The following RPL36 variants were observed in gnomAD, a reference collection of about 807,000 sequenced individuals.
RPL36 encodes the protein ribosomal protein L36, also known as large ribosomal subunit protein eL36.
For synonymous variants in RPL36, 74 were observed against 56.0 expected (o/e 1.32, Z -1.44); for missense variants, 131 against 144.9 (o/e 0.90, Z 0.49).
In RPL36 at chr19:5,691,807, C is replaced by G; in HGVS notation, c.*186C>G. The stretch of plus-strand genomic sequence containing the variant: ...AAAAGCCGTGGCCCGCCCACCCTTC[C>G]CGGGGCAGCAGGTGAGGAAGCCGCC... On this transcript the variant is annotated 3_prime_UTR_variant, in exon 4 of 4. Transcript: ENST00000347512. The G allele has an allele frequency of 1.2e-6, 1 of 832,560 alleles. No homozygotes were observed. Among genetic ancestry groups the G allele is most frequent in the South Asian group, 1.7e-5 (1 of 60,078 alleles). 51.6% of individuals were successfully genotyped at this position (832,560 alleles called of 1,614,324 possible). A position where few individuals can be genotyped will look rare whatever the true frequency, so the allele number is the denominator to read the frequency against.
chr19:5,691,695 G>T lies in RPL36; in HGVS notation c.*74G>T, dbSNP rs2054823806. 3 of 1,445,066 alleles carry T rather than the reference G, an allele frequency of 2.1e-6. No individual in the cohort carries two copies. The highest frequency in any genetic ancestry group is 2.8e-6 in the Non-Finnish European group (3 of 1,053,384). 89.5% of individuals were successfully genotyped at this position (1,445,066 alleles called of 1,614,324 possible). A position where few individuals can be genotyped will look rare whatever the true frequency, so the allele number is the denominator to read the frequency against. The stretch of plus-strand genomic sequence containing the variant: ...CCTGGCTCTCCTGCTGTCCGTGGGT[G>T]GGTGTGGGTGTGTCGGGGGCCCGCA... On this transcript the variant is annotated 3_prime_UTR_variant, in exon 4 of 4. Transcript: ENST00000347512.
At chr19:5,691,477 G>A in intron 3 of RPL36, 24 bp downstream of exon 3, 1 of 1,609,030 alleles carries the variant, frequency 6.2e-7, no homozygotes, top group Non-Finnish European at 8.5e-7. Flanking sequence ...GCCGGCCGAG[G>A]GGCGGGGTGG....
At position 5,691,579 on chromosome 19, in the gene RPL36, C is replaced by T. The variant is rs2054821176; in HGVS notation, c.276C>T (p.Asn92=). Residue 92 remains asparagine (N), a synonymous_variant, in exon 4 of 4, where the codon AAC becomes AAT. Transcript: ENST00000347512. The part of the protein sequence containing the change: ...RAKRKREELS[N]VLAAMRKAAA... ...AGAGGAAGCGGGAGGAGCTGAGCAA[C>T]GTACTGGCCGCCATGAGGAAAGCTG... 1 of 1,611,232 alleles carries T rather than the reference C, an allele frequency of 6.2e-7. No homozygotes were observed. Among genetic ancestry groups the T allele is most frequent in the Non-Finnish European group, 8.5e-7 (1 of 1,179,796 alleles).
In RPL36 at chr19:5,690,901, C is replaced by T. The variant is rs1226066109; in HGVS notation, c.93+301C>T. ...TAGGAGTTCGCTCATGGAGCTGGCCCGAGGTTGCGGTGTGTGAGGTTGAGG... is the reference window on the plus strand; with the variant it reads ...TAGGAGTTCGCTCATGGAGCTGGCCTGAGGTTGCGGTGTGTGAGGTTGAGG... On this transcript the variant is annotated intron_variant, in intron 2 of 3. Coordinates refer to ENST00000347512, the MANE Select transcript of RPL36 (RefSeq NM_033643.3). 3 of 554,176 alleles carry T rather than the reference C, an allele frequency of 5.4e-6. No individual in the cohort carries two copies. The Admixed American group carries it at 9.3e-5, about 17-fold the overall frequency. The allele number at this position is 554,176 out of a possible 1,614,324, so 34.3% of individuals were successfully genotyped here.
At position 5,691,470 on chromosome 19, in the gene RPL36, G is replaced by T. The variant is rs538239959; in HGVS notation, c.228+17G>T. On this transcript the variant is annotated intron_variant, in intron 3 of 3. Coordinates refer to ENST00000347512, the MANE Select transcript of RPL36 (RefSeq NM_033643.3). ...AAGAAAAGGGTAGGTGGGCGCTGCC[G>T]GCCGAGGGGCGGGGTGGGATGGGAG... 11 of 1,609,020 alleles carry T rather than the reference G, an allele frequency of 6.8e-6. No homozygotes were observed. The highest frequency in any genetic ancestry group is 5.0e-5 in the Admixed American group (3 of 59,882).
rs752454538 is a variant in RPL36, at chr19:5,691,315, C to T, written c.94-4C>T. ...ACCCTGACGGCCGCCCCTTTCCCCC[C>T]TAGCGTCTGACCAAACACACCAAGT... On this transcript the variant is annotated splice_polypyrimidine_tract_variant and splice_region_variant and intron_variant, in intron 2 of 3. Coordinates refer to ENST00000347512, the MANE Select transcript of RPL36 (RefSeq NM_033643.3). 42 of 1,612,382 alleles carry T rather than the reference C, an allele frequency of 2.6e-5. No homozygotes were observed. The highest frequency in any genetic ancestry group is 5.0e-5 in the Admixed American group (3 of 60,010).
intron 2 of RPL36, chr19:5,691,079 C>T: frequency 6.6e-6 from 4 of 606,906 alleles, no homozygotes; most frequent in East Asian, 5.6e-5. Flanking sequence ...TATTGGGCGC[C>T]TTTATTCAGC....
At position 5,691,754 on chromosome 19, in the gene RPL36, C is replaced by G. The variant is rs1246293281; in HGVS notation, c.*133C>G. On this transcript the variant is annotated 3_prime_UTR_variant, in exon 4 of 4. Transcript: ENST00000347512. ...TCTGGTGCCCGCTCTGAGCCACACCCTCTCCGGGTGCTGCCTGGTCGTGAA... is the reference window on the plus strand; with the variant it reads ...TCTGGTGCCCGCTCTGAGCCACACCGTCTCCGGGTGCTGCCTGGTCGTGAA... The G allele has an allele frequency of 1.0e-5, 11 of 1,054,396 alleles. No individual in the cohort carries two copies. The African/African-American group carries it at 1.7e-4, about 17-fold the overall frequency. 65.3% of individuals were successfully genotyped at this position (1,054,396 alleles called of 1,614,324 possible). A position where few individuals can be genotyped will look rare whatever the true frequency, so the allele number is the denominator to read the frequency against.
rs2054799286 is a variant in RPL36 at position 5,690,318 on chromosome 19, A to G, written c.-12A>G. On this transcript the variant is annotated 5_prime_UTR_variant, in exon 1 of 4. Transcript: ENST00000347512. ...GCCCTTCCGCCACGGCCGTCTCTGGAGAGCAGCAGGTAAGTGGTTTCCCGC... is the reference window on the plus strand; with the variant it reads ...GCCCTTCCGCCACGGCCGTCTCTGGGGAGCAGCAGGTAAGTGGTTTCCCGC... 2 of 639,870 alleles carry G rather than the reference A, an allele frequency of 3.1e-6. No homozygotes were observed. Among genetic ancestry groups the G allele is most frequent in the Non-Finnish European group, 2.8e-6 (1 of 351,528 alleles). 39.6% of individuals were successfully genotyped at this position (639,870 alleles called of 1,614,324 possible).
chr19:5,691,656 A>AGCTTGAC lies in RPL36; in HGVS notation c.*36_*42dup. On this transcript the variant is annotated 3_prime_UTR_variant, in exon 4 of 4. Transcript: ENST00000347512. ...CTGCCCTCTCCCTGAAATAAAGAACAGCTTGACAGAAGCCCTGGCTCTCCT... is the reference window on the plus strand; with the variant it reads ...CTGCCCTCTCCCTGAAATAAAGAACAGCTTGACGCTTGACAGAAGCCCTGGCTCTCCT... 1.1e-5 allele frequency: 17 copies of AGCTTGAC among 1,567,892 alleles called. No homozygotes were observed. Among genetic ancestry groups the AGCTTGAC allele is most frequent in the Non-Finnish European group, 1.2e-5 (14 of 1,155,674 alleles).
At chr19:5,691,108 G>T in intron 2 of RPL36, 7 of 662,284 alleles carry the variant, frequency 1.1e-5, no homozygotes, top group Non-Finnish European at 1.3e-5. Flanking sequence ...CAGACTCCAG[G>T]TGCGTCCTGC....
chr19:5,691,384 C>T lies in RPL36; in HGVS notation c.159C>T (p.Tyr53=), dbSNP rs776983377. 1.9e-6 allele frequency: 3 copies of T among 1,613,622 alleles called. No homozygotes were observed. The highest frequency in any genetic ancestry group is 1.3e-5 in the African/African-American group (1 of 74,868). Residue 53 remains tyrosine, a synonymous_variant, in exon 3 of 4, where the codon TAC becomes TAT. Transcript: ENST00000347512. ...MIREVCGFAP[Y]ERRAMELLKV... ...GGGAGGTGTGTGGCTTTGCCCCGTA[C>T]GAGCGGCGCGCCATGGAGTTACTGA...
In RPL36 at chr19:5,690,490, C is replaced by G. The variant is rs548116652; in HGVS notation, c.-2-16C>G. The stretch of plus-strand genomic sequence containing the variant: ...CGGTACTCACCTCCGCCCCTTCTCC[C>G]CGTCGCTGTCCGCAGCCATGGCCCT... On this transcript the variant is annotated splice_polypyrimidine_tract_variant and intron_variant, in intron 1 of 3. Coordinates refer to ENST00000347512, the MANE Select transcript of RPL36 (RefSeq NM_033643.3). 95 of 1,544,998 alleles carry G rather than the reference C, an allele frequency of 6.1e-5. No individual in the cohort carries two copies. The highest frequency in any genetic ancestry group is 1.8e-4 in the South Asian group (15 of 83,920).
rs2054823095 is a variant in RPL36, at chr19:5,691,671, C to T, written c.*50C>T. On this transcript the variant is annotated 3_prime_UTR_variant, in exon 4 of 4. Coordinates refer to ENST00000347512, the MANE Select transcript of RPL36 (RefSeq NM_033643.3). ...AATAAAGAACAGCTTGACAGAAGCC[C>T]TGGCTCTCCTGCTGTCCGTGGGTGG... 2 of 1,535,618 alleles carry T rather than the reference C, an allele frequency of 1.3e-6. No homozygotes were observed. The highest frequency in any genetic ancestry group is 1.9e-5 in the Admixed American group (1 of 51,574).
Position 5,690,317 on chromosome 19 carries a change from G to T in RPL36, c.-13G>T. ...AGCCCTTCCGCCACGGCCGTCTCTG[G>T]AGAGCAGCAGGTAAGTGGTTTCCCG... On this transcript the variant is annotated 5_prime_UTR_variant, in exon 1 of 4. Coordinates refer to ENST00000347512, the MANE Select transcript of RPL36 (RefSeq NM_033643.3). 1.6e-6 allele frequency: 1 copy of T among 640,464 alleles called. No homozygotes were observed. The highest frequency in any genetic ancestry group is 2.7e-5 in the East Asian group (1 of 36,386). The allele number at this position is 640,464 out of a possible 1,614,324, so 39.7% of individuals were successfully genotyped here. A position where few individuals can be genotyped will look rare whatever the true frequency, so the allele number is the denominator to read the frequency against.
chr19:5,691,466 T>TGCCG lies in RPL36; in HGVS notation c.228+18_228+21dup. 1 of 1,594,968 alleles carries TGCCG rather than the reference T, an allele frequency of 6.3e-7. No individual in the cohort carries two copies. Among genetic ancestry groups the TGCCG allele is most frequent in the Middle Eastern group, 1.7e-4 (1 of 5,916 alleles). On this transcript the variant is annotated intron_variant, in intron 3 of 3. Transcript: ENST00000347512. ...TATCAAGAAAAGGGTAGGTGGGCGC[T>TGCCG]GCCGGCCGAGGGGCGGGGTGGGATG... is the stretch of plus-strand genomic sequence containing the variant.
At position 5,691,346 on chromosome 19, in the gene RPL36, C is replaced by T. The variant is rs954964422; in HGVS notation, c.121C>T (p.Arg41Trp). Residue 41 changes from arginine to tryptophan, a missense_variant, in exon 3 of 4, where the codon CGG becomes TGG. Transcript: ENST00000347512. ...GRLTKHTKFV[R>W]DMIREVCGFA... ...TCTGACCAAACACACCAAGTTCGTGCGGGACATGATTCGGGAGGTGTGTGG... is the reference window on the plus strand; with the variant it reads ...TCTGACCAAACACACCAAGTTCGTGTGGGACATGATTCGGGAGGTGTGTGG... 4 of 1,613,082 alleles carry T rather than the reference C, an allele frequency of 2.5e-6. No individual in the cohort carries two copies. Among genetic ancestry groups the T allele is most frequent in the Admixed American group, 1.7e-5 (1 of 60,014 alleles).
chr19:5,691,170 G>A (rs1395739294), intron 2 of RPL36, 149 bp from the exon 3 acceptor site: 3 of 1,157,966 alleles, frequency 2.6e-6, no homozygotes, highest in African/African-American at 3.1e-5. Flanking sequence ...TCCGGGCGCG[G>A]CGAAAAGCGC....
chr19:5,691,067 T>C, intron 2 of RPL36: 1 of 588,616 alleles, frequency 1.7e-6, no homozygotes, highest in Non-Finnish European at 3.0e-6. Flanking sequence ...GGTGTGTCAG[T>C]GTATTGGGCG....
Sources: gnomAD v4.1 joint callset for allele counts on GRCh38, gnomAD v4.1.1 for gene constraint, MANE v1.5 for transcripts, NCBI Gene and HGNC (gene_info 2026-07-23, HGNC 2026-07-21) for gene names.